Variants in EMC7 observed in about 807,000 individuals in gnomAD.
EMC7 encodes the protein endoplasmic reticulum membrane protein complex subunit 7.
Under a neutral mutation model 24.4 loss-of-function variants are expected in EMC7, and 4 were observed. The ratio of observed to expected loss-of-function variants is 0.16; its 90% CI spans 0.08 to 0.38. The LOEUF (loss-of-function observed/expected upper bound fraction) is 0.38, where lower values mean the gene tolerates loss of function less well. Among genes scored for constraint, EMC7 ranks in the 10% least tolerant of loss-of-function variants. EMC7 has a pLI of 1.00. For synonymous variants in EMC7, 106 were observed against 112.0 expected (o/e 0.95, Z 0.34); for missense variants, 221 against 300.6 (o/e 0.74, Z 1.96).
chr15:34,085,986 GT>G, intron 4 of EMC7: 1 of 250,430 alleles, frequency 4.0e-6, no homozygotes, highest in Non-Finnish European at 8.0e-6. Context: ...TTTCCAGATG[GT>G]TTTGTGGTTC....
rs762140693 is a variant in EMC7, at chr15:34,101,846, A to G, written c.-7T>C. The G allele has an allele frequency of 6.3e-7, 1 of 1,585,188 alleles. No individual in the cohort carries two copies. The highest frequency in any genetic ancestry group is 2.2e-5 in the East Asian group (1 of 44,574). On this transcript the variant is annotated 5_prime_UTR_variant, in exon 1 of 5. Transcript: ENST00000256545. ...CCCACAGAGCGGCCGCCATGACAGC[A>G]GCTCTGCACTCAGACCGGCAGCCCC...
At chr15:34,098,476 G>A (rs1448786758) in intron 1 of EMC7, among the ~76,000 whole-genome samples, 1 of 126,154 alleles carries the variant, frequency 7.9e-6, no homozygotes, top group South Asian at 2.5e-4. Flanking sequence ...TTTTTTTTGA[G>A]ACAGAGTCTC....
chr15:34,088,225 G>A (rs1597403843), intron 3 of EMC7, 92 bp from the exon 4 acceptor site: 1 of 1,090,322 alleles, frequency 9.2e-7, no homozygotes, highest in African/African-American at 1.6e-5. Context: ...TAAAATTAAA[G>A]ATTTAAACGT....
At chr15:34,092,261 T>TCACACACACACA (rs375005510) in intron 2 of EMC7, among the ~76,000 whole-genome samples, 18,801 of 141,424 alleles carry the variant, frequency 0.13, 1,291 homozygotes, top group African/African-American at 0.15. Context: ...TGAGACTCCG[T>TCACACACACACA]CACACACACA....
At chr15:34,097,885 C>G (rs144720946) in intron 1 of EMC7, among the ~76,000 whole-genome samples, 2,621 of 150,862 alleles carry the variant, frequency 0.017, 68 homozygotes, top group African/African-American at 0.061. Flanking sequence ...AGGAGAATCA[C>G]TTGAACCTGG....
chr15:34,088,427 T>C (rs1900924375), intron 3 of EMC7, among the ~76,000 whole-genome samples: 2 of 152,130 alleles, frequency 1.3e-5, no homozygotes, highest in Middle Eastern at 3.4e-3. Flanking sequence ...AGTTACAGTG[T>C]TATTTAACAC....
chr15:34,091,551 T>G (rs563243463), intron 2 of EMC7, among the ~76,000 whole-genome samples: 26 of 152,354 alleles, frequency 1.7e-4, no homozygotes, highest in African/African-American at 6.0e-4. Context: ...ATACCCCAAC[T>G]TGTAATGAGT....
intron 3 of EMC7, among the ~76,000 whole-genome samples, chr15:34,088,467 C>CT (rs1900925050): frequency 1.4e-4 from 6 of 43,936 alleles, no homozygotes; most frequent in Admixed American, 4.1e-4. Context: ...CTATCTATTC[C>CT]CTTTTTTTTT....
intron 4 of EMC7, among the ~76,000 whole-genome samples, chr15:34,085,105 A>G (rs1900856629): frequency 6.6e-6 from 1 of 152,194 alleles, no homozygotes; most frequent in Non-Finnish European, 1.5e-5. Context: ...CCAGAATATT[A>G]ATTTTTAACT....
chr15:34,085,477 T>C (rs1900865010), intron 4 of EMC7, among the ~76,000 whole-genome samples: 1 of 152,298 alleles, frequency 6.6e-6, no homozygotes, highest in South Asian at 2.1e-4. Flanking sequence ...TTATCTATCA[T>C]TTCTTTCATT....
chr15:34,100,834 T>C (rs1341905925), intron 1 of EMC7: 1 of 151,992 alleles, frequency 6.6e-6, no homozygotes, highest in African/African-American at 2.4e-5. Context: ...TACGCGTGCC[T>C]AGACATTTCA....
In EMC7 at chr15:34,084,317, A is replaced by G. The variant is rs1301610390; in HGVS notation, c.*17T>C. 2 of 1,604,084 alleles carry G rather than the reference A, an allele frequency of 1.2e-6. No individual in the cohort carries two copies. The highest frequency in any genetic ancestry group is 2.2e-5 in the South Asian group (2 of 90,490). ...GTGTTGCCGTGTTTGTGCAAATGCCAGCTCTGGACGGCCTGACTACCTCCT... is the reference window on the plus strand; with the variant it reads ...GTGTTGCCGTGTTTGTGCAAATGCCGGCTCTGGACGGCCTGACTACCTCCT... On this transcript the variant is annotated 3_prime_UTR_variant, in exon 5 of 5. Coordinates refer to ENST00000256545, the MANE Select transcript of EMC7 (RefSeq NM_020154.3).
At chr15:34,097,969 A>G (rs1169828708) in intron 1 of EMC7, among the ~76,000 whole-genome samples, 1 of 22,692 alleles carries the variant, frequency 4.4e-5, no homozygotes, top group African/African-American at 6.0e-5. Flanking sequence ...ACTCCGTCTC[A>G]AAAAAAAAAA....
chr15:34,084,521 C>G (rs1900843856), intron 4 of EMC7, 35 bp from the exon 5 acceptor site: 1 of 1,590,000 alleles, frequency 6.3e-7, no homozygotes, highest in Admixed American at 1.7e-5. Flanking sequence ...TATGTAGGAT[C>G]CTTCGAGTCT....
At chr15:34,094,570 C>T (rs1252855133) in intron 2 of EMC7, among the ~76,000 whole-genome samples, 4 of 151,800 alleles carry the variant, frequency 2.6e-5, no homozygotes, top group African/African-American at 7.3e-5. Context: ...GGCATGGTGG[C>T]GTGCAGCTGT....
intron 3 of EMC7, 46 bp from the exon 4 acceptor site, chr15:34,088,179 G>A: frequency 6.5e-7 from 1 of 1,526,820 alleles, no homozygotes; most frequent in Non-Finnish European, 8.9e-7. Flanking sequence ...CCACTTTACA[G>A]TTAATAGAAC....
chr15:34,095,285 T>C (rs1032056292), intron 2 of EMC7, among the ~76,000 whole-genome samples: 1 of 152,190 alleles, frequency 6.6e-6, no homozygotes, highest in African/African-American at 2.4e-5. Context: ...AATAAATAAA[T>C]GTGTTCTATT....
In EMC7 at chr15:34,096,474, G is replaced by C. The variant is rs555714654; in HGVS notation, c.237-460C>G. On this transcript the variant is annotated intron_variant, in intron 1 of 4. Coordinates refer to ENST00000256545, the MANE Select transcript of EMC7 (RefSeq NM_020154.3). Reference sequence around the variant, plus strand: ...GCATGAGCCACTGTGCCGGCCTTCAGTGTCTATAATTACACTGAATAGGTT... The same window carrying C: ...GCATGAGCCACTGTGCCGGCCTTCACTGTCTATAATTACACTGAATAGGTT... Among the ~76,000 whole-genome samples, 37 of 152,168 alleles carry C rather than the reference G, an allele frequency of 2.4e-4. 1 individual carries two copies. The highest frequency in any genetic ancestry group is 6.7e-4 in the African/African-American group (28 of 41,536).
chr15:34,089,036 T>C (rs1305867146), intron 3 of EMC7, among the ~76,000 whole-genome samples: 1 of 151,862 alleles, frequency 6.6e-6, no homozygotes, highest in Non-Finnish European at 1.5e-5. Flanking sequence ...TTTTATATTT[T>C]TGATAGAGAT....
Sources: allele counts gnomAD v4.1 joint callset (sites outside exome capture counted in the v4.1 genomes callset), GRCh38; gene constraint gnomAD v4.1.1; transcripts MANE v1.5; gene names NCBI Gene and HGNC (gene_info 2026-07-23, HGNC 2026-07-21).